The following PRKCZ variants were observed in gnomAD, a reference collection of about 807,000 sequenced individuals.
PRKCZ encodes the protein protein kinase C zeta.
In PRKCZ, 33 loss-of-function variants were observed where a neutral mutation model predicts 79.5. The ratio of observed to expected loss-of-function variants is 0.41; its 90% CI spans 0.31 to 0.55. The LOEUF is 0.55. Among genes scored for constraint, PRKCZ ranks in the 20% least tolerant of loss-of-function variants. The pLI is 0.19. For missense variants in PRKCZ, 578 were observed against 813.5 expected (o/e 0.71, Z 3.52); for synonymous variants, 342 against 320.9 (o/e 1.07, Z -0.70).
chr1:2,118,240 G>A (rs1369798250), intron 4 of PRKCZ, among the ~76,000 whole-genome samples: 1 of 151,436 alleles, frequency 6.6e-6, no homozygotes, highest in African/African-American at 2.4e-5. Context: ...TAGGTGATCC[G>A]CCCGCCTTGG....
intron 4 of PRKCZ, among the ~76,000 whole-genome samples, chr1:2,106,264 G>A (rs1571413178): frequency 6.6e-6 from 1 of 152,242 alleles, no homozygotes; most frequent in Admixed American, 6.5e-5. Context: ...AGAACTGAGC[G>A]GCTTGGTACT....
chr1:2,068,970 C>T (rs1430232876), intron 4 of PRKCZ, among the ~76,000 whole-genome samples: 6 of 152,210 alleles, frequency 3.9e-5, no homozygotes, highest in African/African-American at 1.4e-4. Flanking sequence ...GGTGGGCAGC[C>T]TCCCCTCAGA....
intron 4 of PRKCZ, among the ~76,000 whole-genome samples, chr1:2,087,742 C>T (rs771692880): frequency 6.6e-6 from 1 of 151,578 alleles, no homozygotes; most frequent in Admixed American, 6.6e-5. Flanking sequence ...GTGGGGGTGG[C>T]GGGGGAGGTT....
At chr1:2,124,560 ACCCCGCCCTGCAGGTTCCGTCAT>A (rs1002097310) in intron 4 of PRKCZ, among the ~76,000 whole-genome samples, 1 of 151,796 alleles carries the variant, frequency 6.6e-6, no homozygotes, top group African/African-American at 2.4e-5. Flanking sequence ...GCAAGGAGAT[ACCCCGCCCTGCAGGTTCCGTCAT>A]CCTGACTCCA....
chr1:2,073,546 G>C, intron 4 of PRKCZ: 10 of 865,422 alleles, frequency 1.2e-5, no homozygotes, highest in Non-Finnish European at 1.4e-5. Flanking sequence ...TCCGAGCCCT[G>C]CCTGGGTCTG....
At chr1:2,112,881 G>A (rs1022552588) in intron 4 of PRKCZ, among the ~76,000 whole-genome samples, 22 of 152,266 alleles carry the variant, frequency 1.4e-4, no homozygotes, top group East Asian at 5.8e-4. Flanking sequence ...TGGTAGAGGC[G>A]GGGTTTCACC....
chr1:2,104,151 G>A (rs1243387030), intron 4 of PRKCZ, among the ~76,000 whole-genome samples: 1 of 152,186 alleles, frequency 6.6e-6, no homozygotes, highest in Admixed American at 6.5e-5. Context: ...TGGCGGCTCT[G>A]GGGCAAGGCG....
chr1:2,074,401 T>A (rs1571175449), intron 4 of PRKCZ: 1 of 1,344,832 alleles, frequency 7.4e-7, no homozygotes, highest in Non-Finnish European at 1.0e-6. Context: ...CTGTTGGGAG[T>A]TTCACTGTGG....
intron 4 of PRKCZ, among the ~76,000 whole-genome samples, chr1:2,110,325 C>T (rs1018948308): frequency 4.6e-5 from 7 of 152,256 alleles, no homozygotes; most frequent in African/African-American, 1.2e-4. Context: ...GCGGGGGCCC[C>T]GGGCGTGATC....
intron 4 of PRKCZ, among the ~76,000 whole-genome samples, chr1:2,126,509 AC>A (rs1214134188): frequency 1.3e-5 from 2 of 148,630 alleles, no homozygotes; most frequent in Admixed American, 6.7e-5. Flanking sequence ...TGCCATGCCC[AC>A]CCCCCTCCAG....
intron 4 of PRKCZ, among the ~76,000 whole-genome samples, chr1:2,068,055 T>C (rs1661265934): frequency 1.3e-5 from 2 of 152,218 alleles, no homozygotes; most frequent in South Asian, 4.1e-4. Flanking sequence ...GTGGCGGCCC[T>C]GTCGGCCTGA....
intron 5 of PRKCZ, 96 bp from the exon 6 acceptor site, chr1:2,144,114 C>T: frequency 6.8e-7 from 1 of 1,472,252 alleles, no homozygotes; most frequent in Non-Finnish European, 9.1e-7. Context: ...GGCTCAGTGT[C>T]CTCTTTTGAG....
intron 4 of PRKCZ, among the ~76,000 whole-genome samples, chr1:2,099,311 C>T (rs1013224506): frequency 7.2e-5 from 11 of 152,240 alleles, no homozygotes; most frequent in East Asian, 1.9e-4. Flanking sequence ...CTTTTCCCAG[C>T]TGGAGCCCTG....
chr1:2,144,530 C>A, intron 6 of PRKCZ, 189 bp downstream of exon 6: 1 of 1,419,368 alleles, frequency 7.0e-7, no homozygotes, highest in South Asian at 1.5e-5. Flanking sequence ...TGAGCCCCCA[C>A]AAGCCCCCGG....
At chr1:2,150,496 T>TG (rs1198860999) in intron 8 of PRKCZ, among the ~76,000 whole-genome samples, 2 of 152,184 alleles carry the variant, frequency 1.3e-5, no homozygotes, top group East Asian at 3.9e-4. Context: ...GCTGAGGGCC[T>TG]GGGGGTCCCT....
chr1:2,051,482 C>T (rs1216413510), intron 1 of PRKCZ, among the ~76,000 whole-genome samples: 3 of 152,208 alleles, frequency 2.0e-5, no homozygotes, highest in Non-Finnish European at 4.4e-5. Context: ...CTGTGCGCGT[C>T]TCCAGGAGCC....
intron 4 of PRKCZ, among the ~76,000 whole-genome samples, chr1:2,108,496 G>T (rs1044920400): frequency 2.0e-5 from 3 of 152,238 alleles, no homozygotes; most frequent in Non-Finnish European, 4.4e-5. Context: ...AGTGGGTGCC[G>T]TCCAGGTCTG....
chr1:2,081,394 G>A (rs1163169347), intron 4 of PRKCZ, among the ~76,000 whole-genome samples: 1 of 152,162 alleles, frequency 6.6e-6, no homozygotes, highest in Non-Finnish European at 1.5e-5. Context: ...GCAGGAGGGG[G>A]CAGGCTGCAG....
chr1:2,106,126 T>C (rs1394177770), intron 4 of PRKCZ, among the ~76,000 whole-genome samples: 1 of 152,196 alleles, frequency 6.6e-6, no homozygotes, highest in African/African-American at 2.4e-5. Flanking sequence ...CCCAGCCCCC[T>C]GTGGCTGATG....
Sources: gnomAD v4.1 joint callset for allele counts (sites outside exome capture counted in the v4.1 genomes callset) on GRCh38, gnomAD v4.1.1 for gene constraint, MANE v1.5 for transcripts, NCBI Gene and HGNC (gene_info 2026-07-23, HGNC 2026-07-21) for gene names.